Variants in MYO7B observed in about 807,000 individuals in gnomAD.
The protein encoded by MYO7B is unconventional myosin-VIIb.
MYO7B carries 212 observed loss-of-function variants against 259.7 expected under a neutral mutation model. The ratio of observed to expected loss-of-function variants is 0.82; its 90% CI spans 0.73 to 0.91. The LOEUF is 0.91. Among genes scored for constraint, MYO7B ranks in the 40% least tolerant of loss-of-function variants. MYO7B has a pLI of 0.00. For synonymous variants in MYO7B, 1,197 were observed against 1,166.4 expected (o/e 1.03, Z -0.54); for missense variants, 2,732 against 2,813.5 (o/e 0.97, Z 0.66).
chr2:127,612,475 G>A lies in MYO7B; in HGVS notation c.3271-1G>A. 1.3e-6 allele frequency: 2 copies of A among 1,552,888 alleles called. No homozygotes were observed. The highest frequency in any genetic ancestry group is 8.7e-7 in the Non-Finnish European group (1 of 1,147,672). ...CCTGATGGCTGCCTTTGGGTTTCAA[G>A]GTGGCCAGCCAGCTGAACATTGGAG... On this transcript the variant is annotated splice_acceptor_variant, in intron 25 of 47. Transcript: ENST00000409816. LOFTEE classifies it high-confidence loss of function.
intron 20 of MYO7B, among the ~76,000 whole-genome samples, 172 bp downstream of exon 20, chr2:127,606,100 A>G (rs1252527526): frequency 6.6e-6 from 1 of 152,234 alleles, no homozygotes; most frequent in East Asian, 1.9e-4. Context: ...CATCCCACAC[A>G]GTCTCTTCTT....
intron 26 of MYO7B, among the ~76,000 whole-genome samples, chr2:127,612,927 T>G (rs1680441924): frequency 6.6e-6 from 1 of 152,230 alleles, no homozygotes; most frequent in African/African-American, 2.4e-5. Flanking sequence ...ATATACAATT[T>G]GCTTTATAGG....
chr2:127,604,194 T>A (rs530591846), intron 19 of MYO7B, among the ~76,000 whole-genome samples: 1 of 152,232 alleles, frequency 6.6e-6, no homozygotes, highest in South Asian at 2.1e-4. Flanking sequence ...CTTAGCTAGA[T>A]CTTCTGGATA....
chr2:127,625,332 T>TCTCACTCGC (rs1283048701), intron 30 of MYO7B, 36 bp from the exon 31 acceptor site: 10 of 1,467,318 alleles, frequency 6.8e-6, no homozygotes, highest in Middle Eastern at 2.1e-4. Context: ...CTCTCACTTG[T>TCTCACTCGC]CTCACTCGCC....
intron 3 of MYO7B, 118 bp downstream of exon 3, chr2:127,564,384 C>G: frequency 2.7e-6 from 2 of 731,678 alleles, no homozygotes; most frequent in South Asian, 4.0e-5. Flanking sequence ...CAAGTGGGGA[C>G]CTGGGTGGCA....
intron 18 of MYO7B, among the ~76,000 whole-genome samples, chr2:127,594,994 A>C: frequency 6.6e-6 from 1 of 152,192 alleles, no homozygotes; most frequent in East Asian, 1.9e-4. Context: ...TCATAGAATG[A>C]GTCAGGGAGG....
At position 127,574,021 on chromosome 2, in the gene MYO7B, A is replaced by G. The variant is rs559170047; in HGVS notation, c.694A>G (p.Ile232Val). 1.9e-6 allele frequency: 3 copies of G among 1,614,002 alleles called. No homozygotes were observed. Among genetic ancestry groups the G allele is most frequent in the African/African-American group, 1.3e-5 (1 of 75,054 alleles). Residue 232 changes from isoleucine (I) to valine (V), a missense_variant, in exon 7 of 48, where the codon ATC (isoleucine) becomes GTC (valine). Ile to Val is a conservative substitution (Grantham distance 29, BLOSUM62 3). Around this residue, in one of 3 missense-constraint regions of MYO7B, gnomAD observed 1,906 missense variants for 2,026.4 expected, o/e 0.94. Transcript: ENST00000409816. ...NPSGVIEGAR[I>V]EQFLLEKSRV... is the part of the protein sequence containing the mutation. Reference sequence around the variant, plus strand: ...CAGCGGGGTGATCGAGGGCGCGCGCATCGAGCAATTTCTCCTGGAGAAGTC... The same window carrying G: ...CAGCGGGGTGATCGAGGGCGCGCGCGTCGAGCAATTTCTCCTGGAGAAGTC...
chr2:127,608,931 G>T, intron 22 of MYO7B, 53 bp downstream of exon 22: 1 of 1,565,044 alleles, frequency 6.4e-7, no homozygotes, highest in Non-Finnish European at 8.7e-7. Context: ...AGGGAAGCCT[G>T]CCCAGTCCGT....
intron 4 of MYO7B, 82 bp downstream of exon 4, chr2:127,565,467 A>AG (rs1678294513): frequency 1.9e-6 from 3 of 1,547,936 alleles, no homozygotes; most frequent in Admixed American, 3.5e-5. Context: ...AATGATGCAC[A>AG]GGGGGCACTG....
intron 12 of MYO7B, 141 bp from the exon 13 acceptor site, chr2:127,583,981 C>G (rs776041544): frequency 2.7e-5 from 19 of 715,376 alleles, no homozygotes; most frequent in Non-Finnish European, 4.6e-5. Flanking sequence ...GTGTGCATCT[C>G]TGTGTACACG....
intron 20 of MYO7B, among the ~76,000 whole-genome samples, chr2:127,606,186 A>G (rs1158980276): frequency 6.6e-6 from 1 of 152,236 alleles, no homozygotes; most frequent in Non-Finnish European, 1.5e-5. Flanking sequence ...GAGCTAGACT[A>G]GGTGTCCTGC....
At position 127,637,446 on chromosome 2, in the gene MYO7B, G is replaced by A. The variant is rs764575817; in HGVS notation, c.*29G>A. Reference sequence around the variant, plus strand: ...CGGATGCTGGCGTGTCTGCTCAGGCGCCCTTCCCGACCTCTAGCCTGGCGG... The same window carrying A: ...CGGATGCTGGCGTGTCTGCTCAGGCACCCTTCCCGACCTCTAGCCTGGCGG... On this transcript the variant is annotated 3_prime_UTR_variant, in exon 48 of 48. Transcript: ENST00000409816. 2.8e-5 allele frequency: 41 copies of A among 1,459,284 alleles called. No homozygotes were observed. The highest frequency in any genetic ancestry group is 5.7e-5 in the African/African-American group (4 of 70,506). 90.4% of individuals were successfully genotyped at this position (1,459,284 alleles called of 1,614,324 possible).
chr2:127,619,514 A>G (rs1680743179), intron 26 of MYO7B, among the ~76,000 whole-genome samples: 1 of 152,126 alleles, frequency 6.6e-6, no homozygotes, highest in South Asian at 2.1e-4. Flanking sequence ...TGTAGACCAC[A>G]GAAAGAGGAG....
chr2:127,550,735 C>T (rs932664690), intron 1 of MYO7B, among the ~76,000 whole-genome samples: 2 of 151,582 alleles, frequency 1.3e-5, no homozygotes, highest in Non-Finnish European at 2.9e-5. Context: ...GGGCAAAACC[C>T]AAGGAGGAGG....
chr2:127,594,294 G>C (rs1463775564), intron 18 of MYO7B, among the ~76,000 whole-genome samples: 1 of 152,222 alleles, frequency 6.6e-6, no homozygotes, highest in Non-Finnish European at 1.5e-5. Context: ...GCCTCAGCGG[G>C]CCAGCACAGT....
intron 39 of MYO7B, among the ~76,000 whole-genome samples, chr2:127,632,735 G>A (rs554700088): frequency 5.3e-5 from 8 of 151,872 alleles, no homozygotes; most frequent in African/African-American, 1.9e-4. Flanking sequence ...ATCCTTCCAA[G>A]TCCATGCGGC....
chr2:127,602,672 A>AAAC (rs1042575367), intron 19 of MYO7B, among the ~76,000 whole-genome samples: 1 of 151,834 alleles, frequency 6.6e-6, no homozygotes, highest in Non-Finnish European at 1.5e-5. Flanking sequence ...CAAAGAAAGG[A>AAAC]AACAACAACA....
intron 6 of MYO7B, among the ~76,000 whole-genome samples, chr2:127,571,334 C>A (rs994145780): frequency 6.6e-6 from 1 of 151,772 alleles, no homozygotes; most frequent in African/African-American, 2.4e-5. Context: ...TGTTAGCGTC[C>A]TTCCTCATGC....
intron 15 of MYO7B, 86 bp downstream of exon 15, chr2:127,588,641 A>C: frequency 2.6e-6 from 4 of 1,519,692 alleles, no homozygotes; most frequent in Non-Finnish European, 3.6e-6. Flanking sequence ...TGTTTTACTC[A>C]CCTCTGGGTC....
Sources: allele counts gnomAD v4.1 joint callset (sites outside exome capture counted in the v4.1 genomes callset), GRCh38; gene constraint gnomAD v4.1.1; regional missense constraint gnomAD v4.1.1; transcripts MANE v1.5; gene names NCBI Gene and HGNC (gene_info 2026-07-23, HGNC 2026-07-21).